Variants in PGPEP1 observed in about 807,000 individuals in gnomAD.
The protein encoded by PGPEP1 is pyroglutamyl-peptidase I.
A neutral mutation model predicts 24.1 loss-of-function variants in PGPEP1; 15 were observed. That is an observed-to-expected ratio of 0.62 (90% CI 0.42 to 0.96). The LOEUF is 0.96. Ranked by LOEUF, PGPEP1 falls within the 40% of genes least tolerant of loss-of-function variation. The probability of loss-of-function intolerance (pLI) is 0.00; values close to 1 mark genes in which losing one functional copy is unlikely to be tolerated. For synonymous variants in PGPEP1, 122 were observed against 116.4 expected, an observed-to-expected ratio of 1.05 and a Z score of -0.31; for missense variants, 242 against 273.4, an observed-to-expected ratio of 0.89 and a Z score of 0.81.
chr19:18,355,792 A>G, intron 2 of PGPEP1, 103 bp from the exon 3 acceptor site: 1 of 738,366 alleles, frequency 1.4e-6, no homozygotes, highest in South Asian at 1.5e-5. Context: ...GCCATCCTGC[A>G]GAATGAGTCT....
rs1971647307 is a variant in PGPEP1 at position 18,369,518 on chromosome 19, T to G, written c.*5935T>G. 1 of 152,152 alleles carries G rather than the reference T, an allele frequency of 6.6e-6. No homozygotes were observed. Among genetic ancestry groups the G allele is most frequent in the Admixed American group, 6.6e-5 (1 of 15,246 alleles). 9.4% of individuals were successfully genotyped at this position (152,152 alleles called of 1,614,324 possible). On this transcript the variant is annotated 3_prime_UTR_variant, in exon 5 of 5. Transcript: ENST00000269919. ...CACTTTGTCTCAAGGAGATTCCACA[T>G]AGGGATTTGAATTAGGCTTTCTGCT...
intron 2 of PGPEP1, among the ~76,000 whole-genome samples, chr19:18,347,239 A>G (rs1445517220): frequency 1.3e-4 from 16 of 124,008 alleles, no homozygotes; most frequent in African/African-American, 4.1e-4. Flanking sequence ...GCACCACCAC[A>G]CCCAGCTAAT....
chr19:18,357,623 C>T lies in PGPEP1; in HGVS notation c.437+8C>T. On this transcript the variant is annotated splice_region_variant and intron_variant, in intron 4 of 4. Transcript: ENST00000269919. ...CTCGCAGGATGCCGGCAGGTAGGGC[C>T]CTGTGGGGTGGGAGTGAGTGGGGAT... The T allele has an allele frequency of 1.3e-6, 2 of 1,584,330 alleles. No individual in the cohort carries two copies. The highest frequency in any genetic ancestry group is 1.7e-6 in the Non-Finnish European group (2 of 1,162,576).
chr19:18,349,655 G>C (rs1436694154), intron 2 of PGPEP1, among the ~76,000 whole-genome samples: 1 of 152,108 alleles, frequency 6.6e-6, no homozygotes, highest in Non-Finnish European at 1.5e-5. Context: ...AAAATCATGC[G>C]ATGAGTTTTT....
intron 4 of PGPEP1, among the ~76,000 whole-genome samples, chr19:18,362,868 A>G (rs1313650809): frequency 6.6e-6 from 1 of 152,118 alleles, no homozygotes; most frequent in African/African-American, 2.4e-5. Context: ...CAATAAACAA[A>G]AAATGGAAAT....
chr19:18,341,001 G>A (rs370445467), intron 1 of PGPEP1, among the ~76,000 whole-genome samples: 1 of 152,246 alleles, frequency 6.6e-6, no homozygotes, highest in East Asian at 1.9e-4. Flanking sequence ...CCCAAGGTGG[G>A]GATGGTGACC....
rs1049093088 is a variant in PGPEP1, at chr19:18,368,857, G to A, written c.*5274G>A. The A allele has an allele frequency of 2.0e-5, 3 of 152,706 alleles. No individual in the cohort carries two copies. Among genetic ancestry groups the A allele is most frequent in the African/African-American group, 4.8e-5 (2 of 41,460 alleles). 9.5% of individuals were successfully genotyped at this position (152,706 alleles called of 1,614,324 possible). A position where few individuals can be genotyped will look rare whatever the true frequency, so the allele number is the denominator to read the frequency against. ...GGAGCTGCGTGACGGCCAGCATGGG[G>A]TGCTGATCATGGTCAAGGAGGCAGG... On this transcript the variant is annotated 3_prime_UTR_variant, in exon 5 of 5. Transcript: ENST00000269919.
rs945363608 is a variant in PGPEP1, at chr19:18,363,902, A to G, written c.*319A>G. On this transcript the variant is annotated 3_prime_UTR_variant, in exon 5 of 5. Coordinates refer to ENST00000269919, the MANE Select transcript of PGPEP1 (RefSeq NM_017712.4). ...TGGTGAATCCATGAGCTGCGATACC[A>G]CGGCTGGGGCCATATGTTCACCTGC... 30 of 253,936 alleles carry G rather than the reference A, an allele frequency of 1.2e-4. No individual in the cohort carries two copies. The highest frequency in any genetic ancestry group is 1.1e-3 in the Admixed American group (23 of 20,622). 15.7% of individuals were successfully genotyped at this position (253,936 alleles called of 1,614,324 possible).
intron 2 of PGPEP1, chr19:18,349,034 G>A (rs569384843): frequency 2.9e-5 from 27 of 923,546 alleles, no homozygotes; most frequent in African/African-American, 2.2e-4. Context: ...AAGAAGCTGG[G>A]ATTATAGGTG....
At chr19:18,352,710 C>T (rs1391380523) in intron 2 of PGPEP1, among the ~76,000 whole-genome samples, 4 of 151,686 alleles carry the variant, frequency 2.6e-5, no homozygotes, top group Non-Finnish European at 4.4e-5. Flanking sequence ...TGCGCACCAT[C>T]ACGCCCAGAT....
At chr19:18,363,003 C>T (rs149953147) in intron 4 of PGPEP1, among the ~76,000 whole-genome samples, 134 of 150,452 alleles carry the variant, frequency 8.9e-4, no homozygotes, top group African/African-American at 2.4e-3. Context: ...ACATGTGCCA[C>T]AGCACTGGGA....
At chr19:18,347,059 G>A (rs898709548) in intron 2 of PGPEP1, among the ~76,000 whole-genome samples, 1 of 146,326 alleles carries the variant, frequency 6.8e-6, no homozygotes, top group African/African-American at 2.5e-5. Flanking sequence ...TCTCTTTCTC[G>A]CTCTCTTTTT....
At chr19:18,363,361 C>T in intron 4 of PGPEP1, 30 bp from the exon 5 acceptor site, 2 of 1,584,528 alleles carry the variant, frequency 1.3e-6, no homozygotes, top group Non-Finnish European at 1.7e-6. Flanking sequence ...GTTTTGGTCT[C>T]TCTCTTACCC....
intron 4 of PGPEP1, among the ~76,000 whole-genome samples, chr19:18,359,680 G>A (rs537346572): frequency 3.9e-5 from 6 of 152,116 alleles, no homozygotes; most frequent in African/African-American, 1.4e-4. Flanking sequence ...GCTAACTTTT[G>A]TATTTTTAGT....
At chr19:18,350,829 G>T (rs1297717914) in intron 2 of PGPEP1, among the ~76,000 whole-genome samples, 1 of 152,210 alleles carries the variant, frequency 6.6e-6, no homozygotes. Flanking sequence ...GGAGGCCGAG[G>T]TAGGAAGATC....
rs139040294 is a variant in PGPEP1, at chr19:18,354,319, C to G, written c.88-1576C>G. On this transcript the variant is annotated intron_variant, in intron 2 of 4. Coordinates refer to ENST00000269919, the MANE Select transcript of PGPEP1 (RefSeq NM_017712.4). The stretch of plus-strand genomic sequence containing the variant: ...GACCATCCTGGCTAACACAGTGAAA[C>G]CCCGTCTCCACTAAAGATAGAAAAA... Among the ~76,000 whole-genome samples the G allele has an allele frequency of 4.1e-3, 623 of 151,952 alleles. 4 individuals are homozygous for G. Among genetic ancestry groups the G allele is most frequent in the African/African-American group, 0.014 (596 of 41,450 alleles).
intron 2 of PGPEP1, among the ~76,000 whole-genome samples, chr19:18,350,648 C>T (rs11086106): frequency 0.85 from 129,942 of 152,272 alleles, 57,165 homozygotes; most frequent in South Asian, 0.98. Context: ...AAATCCATAG[C>T]GACCAGTTTC....
chr19:18,342,890 C>T lies in PGPEP1; in HGVS notation c.66C>T (p.Asn22=), dbSNP rs767537022. 1.7e-5 allele frequency: 28 copies of T among 1,613,588 alleles called. No individual in the cohort carries two copies. Among genetic ancestry groups the T allele is most frequent in the Middle Eastern group, 1.6e-4 (1 of 6,084 alleles). The part of the protein sequence containing the change: ...GFGPFGEHTV[N]ASWIAVQELE... ...GCCCTTTTGGGGAACACACCGTGAA[C>T]GCCAGTTGGATTGCAGTTCAGGTAA... Residue 22 remains asparagine (N), a synonymous_variant, in exon 2 of 5, where the codon AAC becomes AAT. Transcript: ENST00000269919.
chr19:18,361,178 C>T (rs1200352054), intron 4 of PGPEP1, among the ~76,000 whole-genome samples: 1 of 151,674 alleles, frequency 6.6e-6, no homozygotes, highest in East Asian at 1.9e-4. Flanking sequence ...GCTCTTGTTG[C>T]CCAGGCTGGA....
Sources: gnomAD v4.1 joint callset for allele counts (sites outside exome capture counted in the v4.1 genomes callset) on GRCh38, gnomAD v4.1.1 for gene constraint, MANE v1.5 for transcripts, NCBI Gene and HGNC (gene_info 2026-07-23, HGNC 2026-07-21) for gene names.